SNRK: variants seen among roughly 807,000 people sequenced by gnomAD.
The protein encoded by SNRK is SNF related kinase.
Under a neutral mutation model 48.2 loss-of-function variants are expected in SNRK, and 3 were observed. That is an observed-to-expected ratio of 0.06 (90% CI 0.03 to 0.16). SNRK has a LOEUF of 0.16. Ranked by LOEUF, SNRK falls within the 10% of genes least tolerant of loss-of-function variation. The pLI, the probability that SNRK is intolerant of heterozygous loss-of-function variation, is 1.00. For synonymous variants in SNRK, 376 were observed against 366.1 expected (o/e 1.03, Z -0.31); for missense variants, 627 against 976.0 (o/e 0.64, Z 4.76).
rs1304432300 is a variant in SNRK, at chr3:43,340,631, A to T, written c.944+132A>T. 8 of 803,296 alleles carry T rather than the reference A, an allele frequency of 1.0e-5. No homozygotes were observed. In the Admixed American group the frequency reaches 2.2e-4, roughly 22 times the overall value. 49.8% of individuals were successfully genotyped at this position (803,296 alleles called of 1,614,324 possible). A position where few individuals can be genotyped will look rare whatever the true frequency, so the allele number is the denominator to read the frequency against. ...CCAGTTGGCAAGAGTTGTGTCATTT[A>T]TCTCTAAAGTTCTTGGCCCAGGGCC... is the stretch of plus-strand genomic sequence containing the variant. On this transcript the variant is annotated intron_variant, in intron 5 of 6. Coordinates refer to ENST00000296088, the MANE Select transcript of SNRK (RefSeq NM_017719.5).
At chr3:43,336,522 G>A (rs1001824448) in intron 4 of SNRK, among the ~76,000 whole-genome samples, 17 of 151,944 alleles carry the variant, frequency 1.1e-4, no homozygotes, top group South Asian at 2.1e-4. Flanking sequence ...TGTAGAGACC[G>A]GGTCTCACTA....
chr3:43,341,765 G>C (rs916147994), intron 5 of SNRK, among the ~76,000 whole-genome samples: 1 of 152,174 alleles, frequency 6.6e-6, no homozygotes, highest in South Asian at 2.1e-4. Flanking sequence ...GTGTGTCTTC[G>C]TGCCACACAC....
chr3:43,343,214 CA>C, intron 5 of SNRK, 129 bp from the exon 6 acceptor site: 1 of 1,250,962 alleles, frequency 8.0e-7, no homozygotes, highest in Non-Finnish European at 1.1e-6. Context: ...TTCTGGTTTG[CA>C]TTTTTTGCAT....
chr3:43,286,986 C>T (rs1404971060), intron 1 of SNRK, among the ~76,000 whole-genome samples: 2 of 147,122 alleles, frequency 1.4e-5, no homozygotes, highest in Non-Finnish European at 3.0e-5. Context: ...GCGGCCGCGG[C>T]GGGATTGCGG....
intron 1 of SNRK, among the ~76,000 whole-genome samples, chr3:43,292,072 C>G (rs143520892): frequency 0.035 from 5,387 of 152,278 alleles, 177 homozygotes; most frequent in Non-Finnish European, 0.05. Context: ...TGCATTCAAA[C>G]AAAACTGGAA....
intron 1 of SNRK, among the ~76,000 whole-genome samples, chr3:43,292,584 C>G (rs2090821105): frequency 6.6e-6 from 1 of 152,234 alleles, no homozygotes; most frequent in Admixed American, 6.5e-5. Context: ...AGCTGCCTCT[C>G]TTAAAATTTA....
chr3:43,312,001 C>G (rs1403068671), intron 3 of SNRK, among the ~76,000 whole-genome samples: 3 of 152,054 alleles, frequency 2.0e-5, no homozygotes, highest in Non-Finnish European at 2.9e-5. Context: ...TTTCTACTTT[C>G]CTAAAAATTC....
At position 43,347,417 on chromosome 3, in the gene SNRK, T is replaced by G; in HGVS notation, c.1158T>G (p.Thr386=). ...DLTATPLSHA[T]VPQSPARAAD... The stretch of plus-strand genomic sequence containing the variant: ...CGGCCACTCCTTTGTCCCACGCGAC[T>G]GTCCCTCAGTCTCCTGCTCGGGCTG... The change falls in exon 7 of 7, where the codon ACT becomes ACG. Residue 386 remains threonine, a synonymous_variant. Transcript: ENST00000296088. This position sits in a 1 kb window ranked among gnomAD's most constrained non-coding sequence, Gnocchi z 5.4. 1 of 1,613,980 alleles carries G rather than the reference T, an allele frequency of 6.2e-7. No individual in the cohort carries two copies. Among genetic ancestry groups the G allele is most frequent in the Non-Finnish European group, 8.5e-7 (1 of 1,179,914 alleles).
rs1559472718 is a variant in SNRK at position 43,347,691 on chromosome 3, A to ACATCCAGGAAGAGTGCGCCCGT, written c.1434_1455dup (p.Leu486IlefsTer13). ...GAAGCCATCTGTAACCAACCGCCTGACATCCAGGAAGAGTGCGCCCGTCCT... is the reference window on the plus strand; with the variant it reads ...GAAGCCATCTGTAACCAACCGCCTGACATCCAGGAAGAGTGCGCCCGTCATCCAGGAAGAGTGCGCCCGTCCT... On this transcript the variant is annotated frameshift_variant, in exon 7 of 7. Coordinates refer to ENST00000296088, the MANE Select transcript of SNRK (RefSeq NM_017719.5). LOFTEE classifies it high-confidence loss of function. This position sits in a 1 kb window ranked among gnomAD's most constrained non-coding sequence, Gnocchi z 5.4. 1 of 1,613,842 alleles carries ACATCCAGGAAGAGTGCGCCCGT rather than the reference A, an allele frequency of 6.2e-7. No homozygotes were observed. The highest frequency in any genetic ancestry group is 8.5e-7 in the Non-Finnish European group (1 of 1,180,020).
intron 5 of SNRK, among the ~76,000 whole-genome samples, chr3:43,341,207 G>A (rs896842779): frequency 6.6e-6 from 1 of 151,670 alleles, no homozygotes; most frequent in African/African-American, 2.4e-5. Flanking sequence ...CTGGAGTGCA[G>A]TGGCACAATC....
intron 1 of SNRK, among the ~76,000 whole-genome samples, chr3:43,287,910 A>G (rs1028807005): frequency 6.6e-6 from 1 of 152,222 alleles, no homozygotes; most frequent in East Asian, 1.9e-4. Context: ...TCTGTCCTCA[A>G]CGTCTGCTTA....
At chr3:43,332,361 A>T (rs2091152580) in intron 4 of SNRK, 51 bp downstream of exon 4, 1 of 1,255,272 alleles carries the variant, frequency 8.0e-7, no homozygotes, top group Non-Finnish European at 1.0e-6. Context: ...TTAAAACCAG[A>T]AGTTTTAATT....
intron 1 of SNRK, 40 bp from the exon 2 acceptor site, chr3:43,299,714 A>G (rs1216485464): frequency 1.3e-5 from 2 of 152,694 alleles, no homozygotes; most frequent in Non-Finnish European, 2.9e-5. Context: ...ATTCAAACAA[A>G]TAGAACTAAA....
chr3:43,347,458 A>T lies in SNRK; in HGVS notation c.1199A>T (p.Asn400Ile), dbSNP rs756439526. ...GCTCGGGCTGCTGACAGTGTCCTCA[A>T]TGGCCACAGGAGCAAAGGCCTGTGT... is the stretch of plus-strand genomic sequence containing the variant. ...SPARAADSVLNGHRSKGLCDS... is the reference protein window; with the variant it reads ...SPARAADSVLIGHRSKGLCDS... The change falls in exon 7 of 7, where the codon AAT becomes ATT. Residue 400 changes from asparagine to isoleucine, a missense_variant. By Grantham distance (149) the Asn-to-Ile change is moderately radical. Around this residue, in one of 4 missense-constraint regions of SNRK, gnomAD observed 175 missense variants for 209.7 expected, o/e 0.83. Coordinates refer to ENST00000296088, the MANE Select transcript of SNRK (RefSeq NM_017719.5). This position sits in a 1 kb window ranked among gnomAD's most constrained non-coding sequence, Gnocchi z 5.4. The T allele has an allele frequency of 6.2e-7, 1 of 1,613,880 alleles. No individual in the cohort carries two copies. Among genetic ancestry groups the T allele is most frequent in the Admixed American group, 1.7e-5 (1 of 59,970 alleles).
intron 6 of SNRK, among the ~76,000 whole-genome samples, chr3:43,344,665 G>A (rs2091262003): frequency 6.6e-6 from 1 of 152,150 alleles, no homozygotes; most frequent in East Asian, 1.9e-4. Context: ...GCATTCCTCT[G>A]TAATAAAAAC....
chr3:43,339,540 G>A (rs1004440949), intron 4 of SNRK, among the ~76,000 whole-genome samples: 5 of 151,844 alleles, frequency 3.3e-5, no homozygotes, highest in Non-Finnish European at 7.4e-5. Flanking sequence ...TACATGGGCC[G>A]GGCGCGGTGG....
At chr3:43,312,930 C>T (rs1485558558) in intron 3 of SNRK, among the ~76,000 whole-genome samples, 1 of 152,134 alleles carries the variant, frequency 6.6e-6, no homozygotes, top group Non-Finnish European at 1.5e-5. Context: ...AATGGAGAGA[C>T]ATGTGTTCAT....
At chr3:43,300,020 C>A (rs2090886949) in intron 2 of SNRK, among the ~76,000 whole-genome samples, 1 of 152,070 alleles carries the variant, frequency 6.6e-6, no homozygotes, top group Admixed American at 6.5e-5. Flanking sequence ...TGTTCAGGAA[C>A]AAGGATATTT....
intron 3 of SNRK, among the ~76,000 whole-genome samples, chr3:43,323,266 G>A (rs7649401): frequency 0.76 from 115,876 of 152,096 alleles, 49,236 homozygotes; most frequent in Non-Finnish European, 0.94. Flanking sequence ...GCAACCTTAG[G>A]TTAGGCAAAG....
Sources: gnomAD v4.1 joint callset for allele counts (sites outside exome capture counted in the v4.1 genomes callset) on GRCh38, gnomAD v4.1.1 for gene constraint, gnomAD v4.1.1 regional missense constraint, Gnocchi (gnomAD v3.1) non-coding constraint, MANE v1.5 for transcripts, NCBI Gene and HGNC (gene_info 2026-07-23, HGNC 2026-07-21) for gene names.